The following ZC2HC1B variants were observed in gnomAD, a reference collection of about 807,000 sequenced individuals.
ZC2HC1B encodes zinc finger C2HC domain-containing protein 1B.
A neutral mutation model predicts 31.0 loss-of-function variants in ZC2HC1B; 36 were observed. The ratio of observed to expected loss-of-function variants is 1.16; its 90% confidence interval spans 0.89 to 1.54. The LOEUF (loss-of-function observed/expected upper bound fraction) is 1.54, where lower values mean the gene tolerates loss of function less well. ZC2HC1B is among the 40% of genes most tolerant of loss of function. ZC2HC1B has a pLI of 0.00. For synonymous variants in ZC2HC1B, 73 were observed against 88.0 expected (o/e 0.83, Z 0.95); for missense variants, 260 against 268.6 (o/e 0.97, Z 0.22).
intron 6 of ZC2HC1B, among the ~76,000 whole-genome samples, chr6:143,910,792 C>T (rs1362002588): frequency 6.6e-6 from 1 of 152,072 alleles, no homozygotes; most frequent in Non-Finnish European, 1.5e-5. Context: ...CTTGCTCTGT[C>T]TCCCAGGCTG....
chr6:143,889,990 T>C (rs1429358680), intron 4 of ZC2HC1B, among the ~76,000 whole-genome samples: 1 of 152,122 alleles, frequency 6.6e-6, no homozygotes, highest in East Asian at 1.9e-4. Context: ...AAATTAGAAA[T>C]GTATGACAAA....
rs1777255250 is a variant in ZC2HC1B, at chr6:143,865,962, TG to T, written c.28+1396del. Reference sequence around the variant, plus strand: ...TCCCGAGTAGCTGGGATTACAGGTGTGCACCACCATGCCCAGCTAATTTTTG... The same window carrying T: ...TCCCGAGTAGCTGGGATTACAGGTGTCACCACCATGCCCAGCTAATTTTTG... On this transcript the variant is annotated intron_variant, in intron 1 of 7. Coordinates refer to ENST00000237275, the MANE Select transcript of ZC2HC1B (RefSeq NM_001013623.3). The surrounding 1 kb of genome is among the most constrained non-coding windows in gnomAD (Gnocchi z 4.4). Among the ~76,000 whole-genome samples, 1 of 152,184 alleles carries T rather than the reference TG, an allele frequency of 6.6e-6. No individual in the cohort carries two copies. The highest frequency in any genetic ancestry group is 1.5e-5 in the Non-Finnish European group (1 of 68,018).
rs1277095884 is a variant in ZC2HC1B at position 143,895,433 on chromosome 6, G to T, written c.350-3119G>T. 1.3e-5 allele frequency among the ~76,000 whole-genome samples: 2 copies of T among 152,176 alleles called. No homozygotes were observed. Among genetic ancestry groups the T allele is most frequent in the Non-Finnish European group, 2.9e-5 (2 of 68,034 alleles). ...ATGCCTCGGCCTCCCAAAGTGCTGG[G>T]ATTACAGGCATGAGCCACTGCACCC... On this transcript the variant is annotated intron_variant, in intron 4 of 7. Coordinates refer to ENST00000237275, the MANE Select transcript of ZC2HC1B (RefSeq NM_001013623.3). This position sits in a 1 kb window ranked among gnomAD's most constrained non-coding sequence, Gnocchi z 4.8.
rs1777504801 is a variant in ZC2HC1B at position 143,884,214 on chromosome 6, C to A, written c.29-90C>A. 4 of 1,166,964 alleles carry A rather than the reference C, an allele frequency of 3.4e-6. No homozygotes were observed. Among genetic ancestry groups the A allele is most frequent in the South Asian group, 1.7e-5 (1 of 58,072 alleles). 72.3% of individuals were successfully genotyped at this position (1,166,964 alleles called of 1,614,324 possible). ...GGGAGGGAAAAGAGAGTGAGGATATCAAGCTATTGAGGTCACCTCCAGTCA... is the reference window on the plus strand; with the variant it reads ...GGGAGGGAAAAGAGAGTGAGGATATAAAGCTATTGAGGTCACCTCCAGTCA... On this transcript the variant is annotated intron_variant, in intron 1 of 7. Coordinates refer to ENST00000237275, the MANE Select transcript of ZC2HC1B (RefSeq NM_001013623.3). This position sits in a 1 kb window ranked among gnomAD's most constrained non-coding sequence, Gnocchi z 5.1.
chr6:143,927,582 A>G (rs952609137), intron 6 of ZC2HC1B, among the ~76,000 whole-genome samples: 1 of 152,142 alleles, frequency 6.6e-6, no homozygotes, highest in Non-Finnish European at 1.5e-5. Context: ...GGTATCTGTC[A>G]TGACTAGTGC....
In ZC2HC1B at chr6:143,921,126, T is replaced by A. The variant is rs1023251457; in HGVS notation, c.599-16523T>A. 3.3e-5 allele frequency among the ~76,000 whole-genome samples: 5 copies of A among 152,172 alleles called. No individual in the cohort carries two copies. The highest frequency in any genetic ancestry group is 5.9e-5 in the Non-Finnish European group (4 of 68,022). ...CCTTTGTACTGGCTGCCCCCTCTGC[T>A]GAAAACAAAAACACTCTCCCAGTAA... is the stretch of plus-strand genomic sequence containing the variant. On this transcript the variant is annotated intron_variant, in intron 6 of 7. Coordinates refer to ENST00000237275, the MANE Select transcript of ZC2HC1B (RefSeq NM_001013623.3). This position sits in a 1 kb window ranked among gnomAD's most constrained non-coding sequence, Gnocchi z 6.1.
chr6:143,922,540 CT>C lies in ZC2HC1B; in HGVS notation c.599-15103del, dbSNP rs895815903. Among the ~76,000 whole-genome samples, 2 of 152,138 alleles carry C rather than the reference CT, an allele frequency of 1.3e-5. No individual in the cohort carries two copies. Among genetic ancestry groups the C allele is most frequent in the Non-Finnish European group, 2.9e-5 (2 of 68,008 alleles). ...CTATTCCCTACATCACTGAAATCAA[CT>C]TTTTTAGCTCCCACATATGAATGAG... On this transcript the variant is annotated intron_variant, in intron 6 of 7. Transcript: ENST00000237275. This position sits in a 1 kb window ranked among gnomAD's most constrained non-coding sequence, Gnocchi z 5.0.
chr6:143,888,028 T>C (rs1284683665), intron 4 of ZC2HC1B, among the ~76,000 whole-genome samples: 2 of 152,260 alleles, frequency 1.3e-5, no homozygotes, highest in Non-Finnish European at 1.5e-5. Context: ...CTTTCTTCTT[T>C]TAGTTTTAGC....
At chr6:143,935,045 A>G (rs1398262427) in intron 6 of ZC2HC1B, among the ~76,000 whole-genome samples, 1 of 152,138 alleles carries the variant, frequency 6.6e-6, no homozygotes, top group African/African-American at 2.4e-5. Context: ...GCTCCTAGGC[A>G]GTATCCATAG....
intron 1 of ZC2HC1B, among the ~76,000 whole-genome samples, chr6:143,882,025 T>G (rs1184994100): frequency 6.6e-6 from 1 of 152,090 alleles, no homozygotes; most frequent in Non-Finnish European, 1.5e-5. Context: ...TCTTAATACT[T>G]GGAAAGAGAC....
At chr6:143,936,879 C>T (rs1778184899) in intron 6 of ZC2HC1B, among the ~76,000 whole-genome samples, 1 of 152,144 alleles carries the variant, frequency 6.6e-6, no homozygotes, top group Non-Finnish European at 1.5e-5. Context: ...GATTCTTTGG[C>T]AGAAGTAAAA....
intron 1 of ZC2HC1B, among the ~76,000 whole-genome samples, chr6:143,873,555 C>G (rs1777370220): frequency 6.6e-6 from 1 of 152,238 alleles, no homozygotes; most frequent in Non-Finnish European, 1.5e-5. Flanking sequence ...CAAACTTTTG[C>G]CTGAGAATCC....
chr6:143,888,355 CAA>C (rs1056874889), intron 4 of ZC2HC1B, among the ~76,000 whole-genome samples: 6 of 151,958 alleles, frequency 3.9e-5, no homozygotes, highest in African/African-American at 1.4e-4. Context: ...AAAATATACT[CAA>C]GTTTGTTTTT....
chr6:143,903,150 C>T lies in ZC2HC1B; in HGVS notation c.596C>T (p.Ser199Leu). The T allele has an allele frequency of 6.4e-7, 1 of 1,552,108 alleles. No homozygotes were observed. The highest frequency in any genetic ancestry group is 1.4e-5 in the African/African-American group (1 of 73,176). ...LVATNEVPTK[S>L]GLAMDPASGA... ...GCCACGAATGAAGTCCCAACCAAGT[C>T]AGGTGAGTCAAAGCACGCATTTCAT... The change falls in exon 6 of 8, where the codon TCA (serine) becomes TTA (leucine). Residue 199 changes from serine to leucine, a missense_variant and splice_region_variant. By Grantham distance (145) the Ser-to-Leu change is moderately radical (BLOSUM62 -2). Transcript: ENST00000237275. The surrounding 1 kb of genome is among the most constrained non-coding windows in gnomAD (Gnocchi z 4.3).
chr6:143,937,708 A>T lies in ZC2HC1B; in HGVS notation c.658A>T (p.Lys220Ter), dbSNP rs1461043564. 7.1e-6 allele frequency: 11 copies of T among 1,550,692 alleles called. No individual in the cohort carries two copies. The highest frequency in any genetic ancestry group is 9.6e-6 in the Non-Finnish European group (11 of 1,146,624). Residue 220 changes from lysine (K) to a stop codon, truncating the protein, a stop_gained, in exon 7 of 8, where the codon AAA (lysine) becomes TAA (stop). Transcript: ENST00000237275. LOFTEE classifies it high-confidence loss of function. ...KLRQGFSKSS[K>*]KD Reference sequence around the variant, plus strand: ...CAGACAAGGATTTAGTAAATCTTCTAAAAAAGATTAACTCCTAGAAGCCAG... The same window carrying T: ...CAGACAAGGATTTAGTAAATCTTCTTAAAAAGATTAACTCCTAGAAGCCAG...
chr6:143,937,241 A>T (rs1778189320), intron 6 of ZC2HC1B, among the ~76,000 whole-genome samples: 1 of 152,290 alleles, frequency 6.6e-6, no homozygotes, highest in Non-Finnish European at 1.5e-5. Context: ...AAGGCAGCTT[A>T]TGCTTCCGTA....
rs1294230201 is a variant in ZC2HC1B, at chr6:143,876,923, G to A, written c.29-7381G>A. Among the ~76,000 whole-genome samples the A allele has an allele frequency of 2.0e-5, 3 of 150,282 alleles. 1 individual carries two copies. The highest frequency in any genetic ancestry group is 4.4e-5 in the Non-Finnish European group (3 of 67,608). On this transcript the variant is annotated intron_variant, in intron 1 of 7. Coordinates refer to ENST00000237275, the MANE Select transcript of ZC2HC1B (RefSeq NM_001013623.3). Reference sequence around the variant, plus strand: ...ATTGAGGGTGGGTCTGCCTTTCCCAGCCCACTGACTCAAGTGTTAATCTCC... The same window carrying A: ...ATTGAGGGTGGGTCTGCCTTTCCCAACCCACTGACTCAAGTGTTAATCTCC...
intron 1 of ZC2HC1B, 110 bp downstream of exon 1, chr6:143,864,677 C>T (rs1318376450): frequency 2.1e-5 from 25 of 1,177,978 alleles, no homozygotes; most frequent in Admixed American, 1.5e-4. Context: ...ATGTGTGATC[C>T]GTTTAAATCT....
At chr6:143,930,637 A>C (rs2128497775) in intron 6 of ZC2HC1B, among the ~76,000 whole-genome samples, 1 of 152,092 alleles carries the variant, frequency 6.6e-6, no homozygotes, top group South Asian at 2.1e-4. Context: ...TCGGCCTCCC[A>C]AAGTGCTGGG....
Sources: allele counts gnomAD v4.1 joint callset (sites outside exome capture counted in the v4.1 genomes callset), GRCh38; gene constraint gnomAD v4.1.1; non-coding constraint Gnocchi (gnomAD v3.1); transcripts MANE v1.5; gene names NCBI Gene and HGNC (gene_info 2026-07-23, HGNC 2026-07-21).